Variants in FRMD3 observed in about 807,000 individuals in gnomAD.
The protein encoded by FRMD3 is FERM domain-containing protein 3.
A neutral mutation model predicts 70.2 loss-of-function variants in FRMD3; 33 were observed. That is an observed-to-expected ratio of 0.47 (90% confidence interval 0.36 to 0.63). The LOEUF (loss-of-function observed/expected upper bound fraction) is 0.63. Among genes scored for constraint, FRMD3 ranks in the 20% least tolerant of loss-of-function variants. The pLI is 0.00. For missense variants in FRMD3, 632 were observed against 711.4 expected (o/e 0.89, Z 1.27); for synonymous variants, 279 against 255.9 (o/e 1.09, Z -0.86).
At chr9:83,524,924 AT>A (rs1201213722) in intron 1 of FRMD3, among the ~76,000 whole-genome samples, 2 of 152,210 alleles carry the variant, frequency 1.3e-5, no homozygotes, top group Admixed American at 6.5e-5. Flanking sequence ...GGACAGTAAT[AT>A]GTGTATCGAC....
intron 13 of FRMD3, among the ~76,000 whole-genome samples, chr9:83,259,444 G>A (rs933610202): frequency 6.6e-6 from 1 of 152,042 alleles, no homozygotes; most frequent in Non-Finnish European, 1.5e-5. Context: ...TCTGTTGGGT[G>A]GTTCCCTTGA....
intron 1 of FRMD3, among the ~76,000 whole-genome samples, chr9:83,492,930 G>A (rs1285566453): frequency 2.0e-5 from 3 of 152,184 alleles, no homozygotes; most frequent in African/African-American, 4.8e-5. Flanking sequence ...AGGGAGCAGA[G>A]AAGTGGGACA....
At chr9:83,496,365 G>A (rs1354284745) in intron 1 of FRMD3, among the ~76,000 whole-genome samples, 1 of 152,096 alleles carries the variant, frequency 6.6e-6, no homozygotes, top group African/African-American at 2.4e-5. Flanking sequence ...GACACTAGCT[G>A]GTGTTTCATC....
chr9:83,315,256 T>A (rs1369581311), intron 6 of FRMD3, among the ~76,000 whole-genome samples: 2 of 152,046 alleles, frequency 1.3e-5, no homozygotes, highest in East Asian at 3.9e-4. Flanking sequence ...TGACTCAGAG[T>A]CTGTAATTTG....
At chr9:83,478,962 C>T (rs900335518) in intron 1 of FRMD3, among the ~76,000 whole-genome samples, 11 of 151,894 alleles carry the variant, frequency 7.2e-5, no homozygotes, top group African/African-American at 1.2e-4. Context: ...CTATGCACTA[C>T]GGGTCCCTAG....
intron 1 of FRMD3, among the ~76,000 whole-genome samples, chr9:83,416,938 A>G (rs1826475206): frequency 6.6e-6 from 1 of 152,102 alleles, no homozygotes. Flanking sequence ...ATCTGAGCAC[A>G]CTGTTTCATC....
At chr9:83,420,888 C>T (rs537758280) in intron 1 of FRMD3, among the ~76,000 whole-genome samples, 1 of 151,968 alleles carries the variant, frequency 6.6e-6, no homozygotes, top group African/African-American at 2.4e-5. Flanking sequence ...ATACTGGTCC[C>T]ATGCTTCCTG....
chr9:83,384,107 C>T (rs2131285288), intron 2 of FRMD3, among the ~76,000 whole-genome samples: 1 of 152,310 alleles, frequency 6.6e-6, no homozygotes, highest in East Asian at 1.9e-4. Context: ...CCCACAAAGC[C>T]AAGTTACTTG....
chr9:83,345,882 A>C (rs190216457), intron 4 of FRMD3, among the ~76,000 whole-genome samples: 12 of 152,334 alleles, frequency 7.9e-5, no homozygotes, highest in Admixed American at 2.0e-4. Context: ...ATCCTACCCC[A>C]GACCCAATGA....
At position 83,435,312 on chromosome 9, in the gene FRMD3, C is replaced by T. The variant is rs900063373; in HGVS notation, c.148-45604G>A. Among the ~76,000 whole-genome samples the T allele has an allele frequency of 1.2e-4, 19 of 152,142 alleles. 1 individual carries two copies. Among genetic ancestry groups the T allele is most frequent in the Admixed American group, 9.2e-4 (14 of 15,280 alleles). On this transcript the variant is annotated intron_variant, in intron 1 of 13. Transcript: ENST00000304195. ...CCACCTGGCAGATCCTTTGGTCCCT[C>T]CTAGTTTGGAAAAGGGAGGATCTCA...
At position 83,437,770 on chromosome 9, in the gene FRMD3, G is replaced by T. The variant is rs150408018; in HGVS notation, c.148-48062C>A. On this transcript the variant is annotated intron_variant, in intron 1 of 13. Coordinates refer to ENST00000304195, the MANE Select transcript of FRMD3 (RefSeq NM_174938.6). ...CAAAATACAAAGAAAAGAGAGACGG[G>T]ACACATGTGCACCTTCCTGATCCTA... 5.5e-3 allele frequency among the ~76,000 whole-genome samples: 845 copies of T among 152,290 alleles called. 3 individuals carry two copies. Among genetic ancestry groups the T allele is most frequent in the Non-Finnish European group, 9.5e-3 (649 of 68,018 alleles).
intron 13 of FRMD3, among the ~76,000 whole-genome samples, chr9:83,258,310 G>C (rs1832819391): frequency 6.6e-6 from 1 of 152,224 alleles, no homozygotes; most frequent in Admixed American, 6.5e-5. Flanking sequence ...AAAATGGAAG[G>C]AGCAGCACTC....
chr9:83,269,665 C>T (rs765137146), intron 13 of FRMD3, among the ~76,000 whole-genome samples: 7 of 151,656 alleles, frequency 4.6e-5, no homozygotes, highest in Admixed American at 2.0e-4. Flanking sequence ...GCCGAGATCT[C>T]ACCGCCGCAC....
chr9:83,364,055 CTGTT>C (rs1281251458), intron 3 of FRMD3, among the ~76,000 whole-genome samples: 1 of 152,164 alleles, frequency 6.6e-6, no homozygotes, highest in Non-Finnish European at 1.5e-5. Context: ...TATTGAGCAT[CTGTT>C]TGTGAGCTTC....
chr9:83,355,452 A>T (rs1824304938), intron 3 of FRMD3, among the ~76,000 whole-genome samples: 2 of 152,162 alleles, frequency 1.3e-5, no homozygotes, highest in Admixed American at 1.3e-4. Context: ...AGCACCCTTG[A>T]CAGGGGTACA....
intron 1 of FRMD3, among the ~76,000 whole-genome samples, chr9:83,421,436 A>G (rs1306732895): frequency 6.6e-6 from 1 of 152,096 alleles, no homozygotes; most frequent in East Asian, 1.9e-4. Context: ...AACAGGCATT[A>G]TTAGCCTTAT....
chr9:83,268,279 C>T (rs1833368189), intron 13 of FRMD3, among the ~76,000 whole-genome samples: 1 of 152,168 alleles, frequency 6.6e-6, no homozygotes. Flanking sequence ...AATTGAAATT[C>T]CATGTTGTTA....
At chr9:83,579,749 T>G in the FRMD3 span, among the ~76,000 whole-genome samples, 11 of 152,032 alleles carry the variant, frequency 7.2e-5, no homozygotes, top group Non-Finnish European at 1.3e-4. Flanking sequence ...GATATGGCCC[T>G]GAAAGCTCAG....
At chr9:83,553,127 T>C in the FRMD3 span, among the ~76,000 whole-genome samples, 1 of 152,204 alleles carries the variant, frequency 6.6e-6, no homozygotes, top group Non-Finnish European at 1.5e-5. Context: ...TTCCTTTCTA[T>C]ATTTAGTGCT....
Sources: allele counts gnomAD v4.1 joint callset (sites outside exome capture counted in the v4.1 genomes callset), GRCh38; gene constraint gnomAD v4.1.1; transcripts MANE v1.5; gene names NCBI Gene and HGNC (gene_info 2026-07-23, HGNC 2026-07-21).